COL5A2: variants seen among roughly 807,000 people sequenced by gnomAD.
COL5A2 encodes collagen type V alpha 2 chain.
In COL5A2, 23 loss-of-function variants were observed where a neutral mutation model predicts 208.2. That is an observed-to-expected ratio of 0.11 (90% CI 0.08 to 0.16). The LOEUF (loss-of-function observed/expected upper bound fraction) is 0.16, where lower values mean the gene tolerates loss of function less well. COL5A2 is among the 10% of genes least tolerant of loss of function. The probability of loss-of-function intolerance (pLI) is 1.00; values close to 1 mark genes in which losing one functional copy is unlikely to be tolerated. For missense variants in COL5A2, 1,590 were observed against 1,956.4 expected (o/e 0.81, Z 3.53); for synonymous variants, 625 against 628.5 (o/e 0.99, Z 0.08).
intron 17 of COL5A2, among the ~76,000 whole-genome samples, chr2:189,072,430 T>C (rs1261970385): frequency 1.3e-5 from 2 of 152,188 alleles, no homozygotes; most frequent in Non-Finnish European, 2.9e-5. Flanking sequence ...TAGAAAGTTA[T>C]ATTTTATATC....
chr2:189,034,130 C>T lies in COL5A2; in HGVS notation c.4440G>A (p.Val1480=). 1 of 1,614,022 alleles carries T rather than the reference C, an allele frequency of 6.2e-7. No individual in the cohort carries two copies. The highest frequency in any genetic ancestry group is 1.7e-4 in the Middle Eastern group (1 of 6,060). ...ARLPIIDLAP[V]DVGGTDQEFG... ...ATTCCTGGTCTGTGCCGCCAACATC[C>T]ACAGGAGCAAGATCTATGATGGGCA... The change falls in exon 54 of 54, where the codon GTG becomes GTA. Residue 1480 remains valine, a synonymous_variant. Transcript: ENST00000374866.
the COL5A2 span, among the ~76,000 whole-genome samples, chr2:189,274,550 C>T: frequency 6.6e-6 from 1 of 152,136 alleles, no homozygotes. Context: ...AGCTTCTGCA[C>T]TAAAAACACA....
chr2:189,208,607 G>A (rs1456444487), intron 1 of COL5A2, among the ~76,000 whole-genome samples: 1 of 152,174 alleles, frequency 6.6e-6, no homozygotes, highest in Non-Finnish European at 1.5e-5. Flanking sequence ...TAGAAACGAA[G>A]GATTGGGAAA....
intron 53 of COL5A2, 51 bp downstream of exon 53, chr2:189,034,865 A>C (rs202015732): frequency 1.2e-6 from 2 of 1,611,808 alleles, no homozygotes; most frequent in African/African-American, 2.7e-5. Flanking sequence ...ATTTTTAACA[A>C]AAATAATTTT....
chr2:189,128,250 C>G (rs1181833265), intron 1 of COL5A2, among the ~76,000 whole-genome samples: 1 of 151,918 alleles, frequency 6.6e-6, no homozygotes, highest in Non-Finnish European at 1.5e-5. Flanking sequence ...CCATACATAC[C>G]TTGCTAGTTA....
At chr2:189,412,837 C>G in the COL5A2 span, among the ~76,000 whole-genome samples, 1 of 152,206 alleles carries the variant, frequency 6.6e-6, no homozygotes, top group East Asian at 1.9e-4. Flanking sequence ...ATAGAAAAAT[C>G]AAGGACTAAT....
At chr2:189,222,979 T>A (rs1689366982) in intron 1 of COL5A2, among the ~76,000 whole-genome samples, 1 of 152,064 alleles carries the variant, frequency 6.6e-6, no homozygotes, top group Non-Finnish European at 1.5e-5. Context: ...TTCCCAGGAG[T>A]ATATTAGAAT....
At chr2:189,318,113 C>T in the COL5A2 span, among the ~76,000 whole-genome samples, 1 of 152,264 alleles carries the variant, frequency 6.6e-6, no homozygotes, top group South Asian at 2.1e-4. Context: ...TTTTTCTAAA[C>T]TCTGTATCTG....
chr2:189,327,103 A>T, the COL5A2 span, among the ~76,000 whole-genome samples: 5 of 150,588 alleles, frequency 3.3e-5, no homozygotes, highest in South Asian at 2.1e-4. Context: ...TAATAAATAA[A>T]AAATAATGAA....
At chr2:189,073,913 T>C (rs1374067331) in intron 17 of COL5A2, among the ~76,000 whole-genome samples, 1 of 152,158 alleles carries the variant, frequency 6.6e-6, no homozygotes, top group East Asian at 1.9e-4. Context: ...CATAGCACTG[T>C]TACAATTAAA....
At chr2:189,044,243 T>G (rs1054176559) in intron 47 of COL5A2, among the ~76,000 whole-genome samples, 2 of 152,168 alleles carry the variant, frequency 1.3e-5, no homozygotes, top group African/African-American at 4.8e-5. Flanking sequence ...GATTTTGAAT[T>G]TATATTTCCT....
chr2:189,092,106 G>C (rs905397430), intron 7 of COL5A2, among the ~76,000 whole-genome samples: 2 of 152,206 alleles, frequency 1.3e-5, no homozygotes, highest in Non-Finnish European at 2.9e-5. Flanking sequence ...ATTTGAAGCA[G>C]TACTTTAGAA....
intron 1 of COL5A2, among the ~76,000 whole-genome samples, chr2:189,157,017 T>C (rs1288579652): frequency 5.3e-5 from 8 of 151,674 alleles, no homozygotes; most frequent in Admixed American, 4.6e-4. Flanking sequence ...CTGTGTTTTT[T>C]ACTCATCTCC....
intron 1 of COL5A2, among the ~76,000 whole-genome samples, chr2:189,160,713 C>A (rs77068119): frequency 2.1e-3 from 325 of 152,168 alleles, no homozygotes; most frequent in Middle Eastern, 3.4e-3. Context: ...GTCTTCCTAC[C>A]TTCCATTCTA....
Position 189,096,219 on chromosome 2 carries a change from T to C in COL5A2, c.456+1058A>G, listed in dbSNP as rs557384888. 5.9e-5 allele frequency: 9 copies of C among 152,180 alleles called. No individual in the cohort carries two copies. In the East Asian group the frequency reaches 1.7e-3, roughly 29 times the overall value. The allele number at this position is 152,180 out of a possible 1,614,324, so 9.4% of individuals were successfully genotyped here. A position where few individuals can be genotyped will look rare whatever the true frequency, so the allele number is the denominator to read the frequency against. ...CCATTTAAATATGGATAAATATATA[T>C]TTAAAAGGATAAAAATCTACTGAGA... On this transcript the variant is annotated intron_variant, in intron 6 of 53. Transcript: ENST00000374866.
At chr2:189,052,061 T>G (rs997102257) in intron 41 of COL5A2, 111 bp downstream of exon 41, 1 of 865,872 alleles carries the variant, frequency 1.2e-6, no homozygotes, top group Non-Finnish European at 1.8e-6. Flanking sequence ...AGTTGTTAAA[T>G]AAGAAAACAT....
chr2:189,142,938 T>C (rs566820281), intron 1 of COL5A2, among the ~76,000 whole-genome samples: 33 of 152,168 alleles, frequency 2.2e-4, no homozygotes, highest in Non-Finnish European at 4.0e-4. Context: ...TCTTAAATAT[T>C]ATTTTTATAT....
chr2:189,419,884 G>A, the COL5A2 span, among the ~76,000 whole-genome samples: 1 of 141,622 alleles, frequency 7.1e-6, no homozygotes, highest in Non-Finnish European at 1.5e-5. Context: ...GGAGGAGGAG[G>A]AGAGGAGAGG....
In COL5A2 at chr2:189,045,867, G is replaced by A; in HGVS notation, c.3242C>T (p.Ser1081Phe). The A allele has an allele frequency of 6.2e-7, 1 of 1,614,172 alleles. No homozygotes were observed. Among genetic ancestry groups the A allele is most frequent in the Non-Finnish European group, 8.5e-7 (1 of 1,180,020 alleles). ...GDPGPAGLPG[S>F]QGAPGTPGPV... ...GCCAGGAGTTCCAGGGGCACCCTGAGAGCCTGGCAGACCTGCAGGCCCAGG... is the reference window on the plus strand; with the variant it reads ...GCCAGGAGTTCCAGGGGCACCCTGAAAGCCTGGCAGACCTGCAGGCCCAGG... The change falls in exon 46 of 54, where the codon TCT (serine) becomes TTT (phenylalanine). Residue 1081 changes from serine to phenylalanine, a missense_variant. Coordinates refer to ENST00000374866, the MANE Select transcript of COL5A2 (RefSeq NM_000393.5).
Sources: allele counts gnomAD v4.1 joint callset (sites outside exome capture counted in the v4.1 genomes callset), GRCh38; gene constraint gnomAD v4.1.1; transcripts MANE v1.5; gene names NCBI Gene and HGNC (gene_info 2026-07-23, HGNC 2026-07-21).